Variants in MARCHF6 observed in about 807,000 individuals in gnomAD.
MARCHF6 encodes the protein membrane associated ring-CH-type finger 6.
MARCHF6 carries 31 observed loss-of-function variants against 133.7 expected under a neutral mutation model. The observed-to-expected ratio is 0.23, with a 90% CI of 0.17 to 0.31. The LOEUF is 0.31. Ranked by LOEUF, MARCHF6 falls within the 10% of genes least tolerant of loss-of-function variation. The probability of loss-of-function intolerance (pLI) is 1.00; values close to 1 mark genes in which losing one functional copy is unlikely to be tolerated. For synonymous variants in MARCHF6, 395 were observed against 402.5 expected (o/e 0.98, Z 0.22); for missense variants, 723 against 1,121.6 (o/e 0.64, Z 5.08).
At chr5:10,402,196 CTTCA>C in intron 12 of MARCHF6, 57 bp downstream of exon 12, 1 of 1,244,490 alleles carries the variant, frequency 8.0e-7, no homozygotes, top group Non-Finnish European at 1.2e-6. Flanking sequence ...CCAAAGAACT[CTTCA>C]TTAATGGCGA....
chr5:10,428,133 G>A (rs1450513442), intron 24 of MARCHF6, among the ~76,000 whole-genome samples: 2 of 152,070 alleles, frequency 1.3e-5, no homozygotes, highest in Non-Finnish European at 2.9e-5. Flanking sequence ...TCAGTCTGCA[G>A]GATGGCATGG....
In MARCHF6 at chr5:10,417,332, C is replaced by T. The variant is rs1000190644; in HGVS notation, c.2211C>T (p.Leu737=). ...LAGVVPLLLG[L]LFELVIVAPL... Reference sequence around the variant, plus strand: ...GAGTTGTCCCTCTCCTTCTGGGGCTCCTGTTTGAGCTGGTCATTGTGGCTC... The same window carrying T: ...GAGTTGTCCCTCTCCTTCTGGGGCTTCTGTTTGAGCTGGTCATTGTGGCTC... The change falls in exon 22 of 26, where the codon CTC becomes CTT. Residue 737 remains leucine, a synonymous_variant. Coordinates refer to ENST00000274140, the MANE Select transcript of MARCHF6 (RefSeq NM_005885.4). 1.2e-6 allele frequency: 2 copies of T among 1,614,136 alleles called. No homozygotes were observed. Among genetic ancestry groups the T allele is most frequent in the Middle Eastern group, 1.6e-4 (1 of 6,062 alleles).
chr5:10,430,133 A>G, intron 25 of MARCHF6, 105 bp downstream of exon 25: 1 of 1,333,020 alleles, frequency 7.5e-7, no homozygotes, highest in South Asian at 1.4e-5. Context: ...GATTCTGGAT[A>G]TACTTGGAGG....
intron 1 of MARCHF6, among the ~76,000 whole-genome samples, chr5:10,375,110 C>G (rs2567591): frequency 0.83 from 126,750 of 152,232 alleles, 53,958 homozygotes; most frequent in Non-Finnish European, 0.9. Flanking sequence ...CCCTTTCTGG[C>G]CTGGCCAAGG....
chr5:10,403,307 C>T (rs1738659630), intron 14 of MARCHF6, 100 bp from the exon 15 acceptor site: 7 of 1,160,876 alleles, frequency 6.0e-6, no homozygotes, highest in Non-Finnish European at 6.1e-6. Flanking sequence ...GGAATTGTTC[C>T]TTGCATGCAT....
chr5:10,397,701 G>A (rs1738276102), intron 10 of MARCHF6, among the ~76,000 whole-genome samples: 1 of 152,054 alleles, frequency 6.6e-6, no homozygotes, highest in Admixed American at 6.6e-5. Flanking sequence ...GTTTTCATCT[G>A]TCAAAATCCT....
rs1400006967 is a variant in MARCHF6 at position 10,435,667 on chromosome 5, A to G, written c.*1983A>G. The G allele has an allele frequency of 1.4e-4, 1 of 7,038 alleles. No individual in the cohort carries two copies. Among genetic ancestry groups the G allele is most frequent in the Admixed American group, 1.7e-3 (1 of 598 alleles). 0.4% of individuals were successfully genotyped at this position (7,038 alleles called of 1,614,324 possible). A position where few individuals can be genotyped will look rare whatever the true frequency, so the allele number is the denominator to read the frequency against. ...TATATATATATATATATATATATAT[A>G]TATATATATATATATATATATATAT... is the stretch of plus-strand genomic sequence containing the variant. On this transcript the variant is annotated 3_prime_UTR_variant, in exon 26 of 26. Coordinates refer to ENST00000274140, the MANE Select transcript of MARCHF6 (RefSeq NM_005885.4).
intron 1 of MARCHF6, among the ~76,000 whole-genome samples, chr5:10,355,568 A>G (rs1359521340): frequency 6.6e-6 from 1 of 152,266 alleles, no homozygotes; most frequent in Non-Finnish European, 1.5e-5. Flanking sequence ...TTGTAAAATT[A>G]TAATCAGGAT....
chr5:10,401,997 G>A, intron 11 of MARCHF6, 62 bp from the exon 12 acceptor site: 1 of 953,862 alleles, frequency 1.0e-6, no homozygotes, highest in Non-Finnish European at 1.7e-6. Flanking sequence ...TTTAATATGG[G>A]AAAACCGGGG....
intron 4 of MARCHF6, among the ~76,000 whole-genome samples, chr5:10,384,530 G>C (rs1484077783): frequency 6.6e-6 from 1 of 152,194 alleles, no homozygotes; most frequent in Non-Finnish European, 1.5e-5. Context: ...CTGCAATGCT[G>C]ACTGTAGAAT....
At chr5:10,401,874 A>G (rs943942299) in intron 11 of MARCHF6, 185 bp from the exon 12 acceptor site, 261 of 588,106 alleles carry the variant, frequency 4.4e-4, no homozygotes, top group Non-Finnish European at 8.2e-5. Context: ...TTTTAGTAAT[A>G]TATAACAGTC....
rs1237864780 is a variant in MARCHF6, at chr5:10,383,051, A to T, written c.334+1108A>T. Among the ~76,000 whole-genome samples the T allele has an allele frequency of 3.3e-5, 5 of 152,280 alleles. No homozygotes were observed. The East Asian group carries it at 9.6e-4, about 29-fold the overall frequency. On this transcript the variant is annotated intron_variant, in intron 4 of 25. Transcript: ENST00000274140. ...TATATAGATAAGATTCATTAGAGTT[A>T]AACTAAATGTTTAATTAGTATAATT...
intron 4 of MARCHF6, 71 bp from the exon 5 acceptor site, chr5:10,386,923 G>T: frequency 8.7e-7 from 1 of 1,144,916 alleles, no homozygotes; most frequent in East Asian, 2.4e-5. Context: ...CTTTACCTCT[G>T]CTTTCTTGAG....
At position 10,403,425 on chromosome 5, in the gene MARCHF6, C is replaced by T; in HGVS notation, c.1216C>T (p.Leu406=). 2 of 1,613,640 alleles carry T rather than the reference C, an allele frequency of 1.2e-6. No individual in the cohort carries two copies. The highest frequency in any genetic ancestry group is 2.2e-5 in the East Asian group (1 of 44,858). The change falls in exon 15 of 26, where the codon CTG becomes TTG. Residue 406 remains leucine (L), a synonymous_variant. Coordinates refer to ENST00000274140, the MANE Select transcript of MARCHF6 (RefSeq NM_005885.4). Reference sequence around the variant, plus strand: ...GTCTCAGGAAATGTTTGATGCTACTCTGAAAGATCGAGAACTGAGCTTTCA... The same window carrying T: ...GTCTCAGGAAATGTTTGATGCTACTTTGAAAGATCGAGAACTGAGCTTTCA... ...ICSLEMFDAT[L]KDRELSFQSA...
chr5:10,386,029 T>C (rs1285267399), intron 4 of MARCHF6, among the ~76,000 whole-genome samples: 2 of 147,208 alleles, frequency 1.4e-5, no homozygotes, highest in African/African-American at 2.5e-5. Flanking sequence ...GCTGTCTTAT[T>C]TTTTTTTTTT....
At chr5:10,361,040 A>AC (rs1271567443) in intron 1 of MARCHF6, among the ~76,000 whole-genome samples, 2 of 152,114 alleles carry the variant, frequency 1.3e-5, no homozygotes, top group South Asian at 2.1e-4. Context: ...GGAAGTAAGA[A>AC]CCCCCCAAGG....
intron 11 of MARCHF6, 83 bp from the exon 12 acceptor site, chr5:10,401,976 C>A: frequency 1.2e-6 from 1 of 802,356 alleles, no homozygotes; most frequent in South Asian, 1.4e-5. Context: ...CTCTTTTAGT[C>A]ATTTAGATTG....
intron 1 of MARCHF6, among the ~76,000 whole-genome samples, chr5:10,375,729 AC>A (rs1184714727): frequency 6.6e-6 from 1 of 152,012 alleles, no homozygotes; most frequent in East Asian, 1.9e-4. Flanking sequence ...ACCAGTTGAC[AC>A]TCTGTATCTA....
chr5:10,377,767 A>G, intron 1 of MARCHF6, 31 bp from the exon 2 acceptor site: 1 of 1,493,038 alleles, frequency 6.7e-7, no homozygotes, highest in Non-Finnish European at 9.3e-7. Flanking sequence ...TTATAACCAA[A>G]GGAAATTCAA....
Sources: allele counts gnomAD v4.1 joint callset (sites outside exome capture counted in the v4.1 genomes callset), GRCh38; gene constraint gnomAD v4.1.1; transcripts MANE v1.5; gene names NCBI Gene and HGNC (gene_info 2026-07-23, HGNC 2026-07-21).